MCM10: variants seen among roughly 807,000 people sequenced by gnomAD.
The protein encoded by MCM10 is protein MCM10 homolog.
MCM10 carries 91 observed loss-of-function variants against 109.9 expected under a neutral mutation model. The observed-to-expected ratio is 0.83, with a 90% CI of 0.70 to 0.99. The LOEUF (loss-of-function observed/expected upper bound fraction) is 0.99, where lower values mean the gene tolerates loss of function less well. MCM10 is among the 50% of genes least tolerant of loss of function. MCM10 has a pLI of 0.00. For missense variants in MCM10, 1,077 were observed against 1,061.2 expected (o/e 1.01, Z -0.21); for synonymous variants, 380 against 387.2 (o/e 0.98, Z 0.22).
intron 18 of MCM10, among the ~76,000 whole-genome samples, chr10:13,208,201 T>C (rs1392426799): frequency 6.6e-6 from 1 of 151,410 alleles, no homozygotes; most frequent in Admixed American, 6.6e-5. Context: ...CTGGGCAACA[T>C]AGTGAGACTC....
intron 2 of MCM10, among the ~76,000 whole-genome samples, chr10:13,166,657 C>CATATAT (rs1491379684): frequency 1.0e-3 from 20 of 19,954 alleles, no homozygotes; most frequent in African/African-American, 2.6e-3. Context: ...AAAATACATA[C>CATATAT]ATACATATAT....
chr10:13,205,060 G>C, intron 18 of MCM10, among the ~76,000 whole-genome samples: 1 of 105,394 alleles, frequency 9.5e-6, no homozygotes. Flanking sequence ...ATATTAATTT[G>C]TATAAATTTA....
Position 13,182,977 on chromosome 10 carries a change from G to A in MCM10, c.975G>A (p.Leu325=). 1 of 1,614,110 alleles carries A rather than the reference G, an allele frequency of 6.2e-7. No homozygotes were observed. Among genetic ancestry groups the A allele is most frequent in the Non-Finnish European group, 8.5e-7 (1 of 1,180,000 alleles). ...SIWKLNDLRD[L]TQCVSLFLFG... is the part of the protein sequence containing the mutation. ...GGAAACTGAATGATCTTCGTGACCT[G>A]ACACAATGTGTGTCCTTGTTCTTAT... The change falls in exon 8 of 20, where the codon CTG becomes CTA. Residue 325 remains leucine, a synonymous_variant. Transcript: ENST00000378714. The surrounding 1 kb of genome is among the most constrained non-coding windows in gnomAD (Gnocchi z 4.2).
At chr10:13,190,831 T>A (rs1834338081) in intron 10 of MCM10, among the ~76,000 whole-genome samples, 1 of 110,586 alleles carries the variant, frequency 9.0e-6, no homozygotes, top group Admixed American at 9.2e-5. Flanking sequence ...GTAAAATAAT[T>A]AATGTTTTTC....
intron 13 of MCM10, among the ~76,000 whole-genome samples, chr10:13,193,817 G>A (rs1046148078): frequency 4.6e-5 from 7 of 152,246 alleles, no homozygotes; most frequent in Non-Finnish European, 7.4e-5. Flanking sequence ...AAGGCATTGC[G>A]TAATGAAAAT....
At chr10:13,203,398 AC>A (rs1834526178) in intron 17 of MCM10, among the ~76,000 whole-genome samples, 3 of 152,074 alleles carry the variant, frequency 2.0e-5, no homozygotes. Flanking sequence ...CATTGGGCCC[AC>A]CCAGATCATC....
At position 13,204,328 on chromosome 10, in the gene MCM10, G is replaced by A. The variant is rs1223804060; in HGVS notation, c.2462G>A (p.Ser821Asn). 1.2e-6 allele frequency: 2 copies of A among 1,614,232 alleles called. No individual in the cohort carries two copies. Among genetic ancestry groups the A allele is most frequent in the Admixed American group, 1.7e-5 (1 of 60,026 alleles). ...TTCAAATGTCCCTGTGGAAACAGAAGCATCTCCTTGGACAGACTCCCGAAC... is the reference window on the plus strand; with the variant it reads ...TTCAAATGTCCCTGTGGAAACAGAAACATCTCCTTGGACAGACTCCCGAAC... ...RFFKCPCGNR[S>N]ISLDRLPNKH... Residue 821 changes from serine (S) to asparagine (N), a missense_variant, in exon 18 of 20, where the codon AGC becomes AAC. By Grantham distance (46) the Ser-to-Asn change is conservative (BLOSUM62 1). Coordinates refer to ENST00000378714, the MANE Select transcript of MCM10 (RefSeq NM_018518.5).
intron 1 of MCM10, among the ~76,000 whole-genome samples, 188 bp downstream of exon 1, chr10:13,161,794 G>A (rs1429463776): frequency 6.6e-6 from 1 of 152,248 alleles, no homozygotes; most frequent in Non-Finnish European, 1.5e-5. Flanking sequence ...CGGGCCGGGG[G>A]CTGGGAGTTG....
intron 13 of MCM10, among the ~76,000 whole-genome samples, chr10:13,193,658 G>A (rs1245978130): frequency 6.6e-6 from 1 of 152,116 alleles, no homozygotes; most frequent in African/African-American, 2.4e-5. Flanking sequence ...GAATGGGTTT[G>A]GTCTCAGGCA....
intron 16 of MCM10, 56 bp downstream of exon 16, chr10:13,198,863 G>T: frequency 8.9e-7 from 1 of 1,122,690 alleles, no homozygotes; most frequent in Non-Finnish European, 1.3e-6. Context: ...TCAAAGCCAA[G>T]GTGCTAGCTG....
chr10:13,187,186 A>G (rs924103234), intron 9 of MCM10, among the ~76,000 whole-genome samples: 22 of 152,048 alleles, frequency 1.4e-4, no homozygotes, highest in African/African-American at 5.1e-4. Flanking sequence ...TTCTGTCTCT[A>G]TGGATTTGCC....
intron 18 of MCM10, among the ~76,000 whole-genome samples, 196 bp from the exon 19 acceptor site, chr10:13,208,895 C>T (rs1371470165): frequency 6.6e-6 from 1 of 152,216 alleles, no homozygotes; most frequent in African/African-American, 2.4e-5. Flanking sequence ...GACCTACAGA[C>T]CACTTCCCAA....
rs1834637523 is a variant in MCM10 at position 13,210,003 on chromosome 10, T to C, written c.*693T>C. 6.6e-6 allele frequency: 1 copy of C among 152,166 alleles called. No individual in the cohort carries two copies. The highest frequency in any genetic ancestry group is 2.4e-5 in the African/African-American group (1 of 41,434). 9.4% of individuals were successfully genotyped at this position (152,166 alleles called of 1,614,324 possible). A position where few individuals can be genotyped will look rare whatever the true frequency, so the allele number is the denominator to read the frequency against. On this transcript the variant is annotated 3_prime_UTR_variant, in exon 20 of 20. Transcript: ENST00000378714. ...AGAAAGAAGGTGTCTGCTCTTACATTATTGTGGAGCCCTGTGATAGAAATA... is the reference window on the plus strand; with the variant it reads ...AGAAAGAAGGTGTCTGCTCTTACATCATTGTGGAGCCCTGTGATAGAAATA...
chr10:13,194,781 T>C lies in MCM10; in HGVS notation c.1746-260T>C, dbSNP rs1250410562. Reference sequence around the variant, plus strand: ...GGATGACATCCACTGGACAGCCAATTGATAAAAACAGTTATCAGTTCTAAA... The same window carrying C: ...GGATGACATCCACTGGACAGCCAATCGATAAAAACAGTTATCAGTTCTAAA... On this transcript the variant is annotated intron_variant, in intron 13 of 19. Transcript: ENST00000378714. Among the ~76,000 whole-genome samples the C allele has an allele frequency of 2.0e-5, 3 of 152,312 alleles. No homozygotes were observed. The East Asian group carries it at 5.8e-4, about 29-fold the overall frequency.
In MCM10 at chr10:13,182,623, A is replaced by G. The variant is rs539711294; in HGVS notation, c.931-310A>G. On this transcript the variant is annotated intron_variant, in intron 7 of 19. Transcript: ENST00000378714. The surrounding 1 kb of genome is among the most constrained non-coding windows in gnomAD (Gnocchi z 4.2). ...TGATGTGTGTGTGTGTCTCTGTGTC[A>G]TTAGAAAGGCAGTGCTATCCCACTC... Among the ~76,000 whole-genome samples, 1 of 152,194 alleles carries G rather than the reference A, an allele frequency of 6.6e-6. No individual in the cohort carries two copies. The highest frequency in any genetic ancestry group is 1.9e-4 in the East Asian group (1 of 5,186).
At position 13,209,791 on chromosome 10, in the gene MCM10, A is replaced by T. The variant is rs1834633757; in HGVS notation, c.*481A>T. On this transcript the variant is annotated 3_prime_UTR_variant, in exon 20 of 20. Coordinates refer to ENST00000378714, the MANE Select transcript of MCM10 (RefSeq NM_018518.5). ...GAAGATTGGACTAAGTGATCCTGAAATGTATTTTTTAGCACTGGATTTCTA... is the reference window on the plus strand; with the variant it reads ...GAAGATTGGACTAAGTGATCCTGAATTGTATTTTTTAGCACTGGATTTCTA... The T allele has an allele frequency of 6.4e-6, 1 of 156,782 alleles. No individual in the cohort carries two copies. The allele number at this position is 156,782 out of a possible 1,614,324, so 9.7% of individuals were successfully genotyped here. A position where few individuals can be genotyped will look rare whatever the true frequency, so the allele number is the denominator to read the frequency against.
Position 13,209,568 on chromosome 10 carries a change from T to TGAA in MCM10, c.*260_*262dup. ...TGGATGATTGCATTACTTCATTCAC[T>TGAA]GAAGTTTTTGCCCAAAAATTGGAAG... On this transcript the variant is annotated 3_prime_UTR_variant, in exon 20 of 20. Coordinates refer to ENST00000378714, the MANE Select transcript of MCM10 (RefSeq NM_018518.5). 1 of 507,942 alleles carries TGAA rather than the reference T, an allele frequency of 2.0e-6. No homozygotes were observed. The highest frequency in any genetic ancestry group is 1.9e-5 in the African/African-American group (1 of 52,194). 31.5% of individuals were successfully genotyped at this position (507,942 alleles called of 1,614,324 possible).
At chr10:13,162,805 C>T (rs576419766) in intron 1 of MCM10, among the ~76,000 whole-genome samples, 2 of 152,268 alleles carry the variant, frequency 1.3e-5, no homozygotes, top group South Asian at 4.1e-4. Context: ...AGCGGCCAGG[C>T]GCGGTGGCTC....
intron 2 of MCM10, among the ~76,000 whole-genome samples, chr10:13,168,324 G>T (rs991244230): frequency 6.6e-6 from 1 of 152,176 alleles, no homozygotes; most frequent in African/African-American, 2.4e-5. Context: ...CTGAGCATTA[G>T]GCCCCATCAT....
Sources: gnomAD v4.1 joint callset for allele counts (sites outside exome capture counted in the v4.1 genomes callset) on GRCh38, gnomAD v4.1.1 for gene constraint, Gnocchi (gnomAD v3.1) non-coding constraint, MANE v1.5 for transcripts, NCBI Gene and HGNC (gene_info 2026-07-23, HGNC 2026-07-21) for gene names.